ROBO1: variants seen among roughly 807,000 people sequenced by gnomAD.
ROBO1 encodes the protein roundabout guidance receptor 1.
A neutral mutation model predicts 195.9 loss-of-function variants in ROBO1; 149 were observed. That is an observed-to-expected ratio of 0.76 (90% CI 0.67 to 0.87). The LOEUF is 0.87. Ranked by LOEUF, ROBO1 falls within the 40% of genes least tolerant of loss-of-function variation. The probability of loss-of-function intolerance (pLI) is 0.00; values close to 1 mark genes in which losing one functional copy is unlikely to be tolerated. For synonymous variants in ROBO1, 816 were observed against 733.2 expected (o/e 1.11, Z -1.82); for missense variants, 1,933 against 2,068.3 (o/e 0.93, Z 1.27).
intron 2 of ROBO1, among the ~76,000 whole-genome samples, chr3:79,503,187 G>A (rs973948049): frequency 7.9e-5 from 12 of 152,074 alleles, no homozygotes; most frequent in Admixed American, 6.6e-4. Flanking sequence ...TGAAGCCAGC[G>A]AGACTACGAA....
At chr3:78,714,368 A>G in intron 8 of ROBO1, 29 bp downstream of exon 8, 1 of 1,600,522 alleles carries the variant, frequency 6.2e-7, no homozygotes, top group Non-Finnish European at 8.5e-7. Flanking sequence ...TGCTAAAACC[A>G]CCAAAACAAA....
At chr3:78,992,330 TA>T (rs1417421895) in intron 3 of ROBO1, among the ~76,000 whole-genome samples, 5 of 152,114 alleles carry the variant, frequency 3.3e-5, no homozygotes, top group Non-Finnish European at 7.4e-5. Flanking sequence ...GCAAAGGTAG[TA>T]TTTATCTGAA....
chr3:79,590,678 T>A (rs1943970599), intron 1 of ROBO1, among the ~76,000 whole-genome samples: 1 of 151,830 alleles, frequency 6.6e-6, no homozygotes, highest in South Asian at 2.1e-4. Flanking sequence ...TTTTGAGATA[T>A]GAGATAATAT....
intron 1 of ROBO1, among the ~76,000 whole-genome samples, chr3:79,756,305 A>G (rs1045171232): frequency 4.6e-5 from 7 of 152,080 alleles, no homozygotes; most frequent in African/African-American, 1.4e-4. Flanking sequence ...TAATCCCAGC[A>G]CTTTGGGAGG....
chr3:78,932,211 T>C (rs1262245437), intron 4 of ROBO1, among the ~76,000 whole-genome samples: 2 of 152,156 alleles, frequency 1.3e-5, no homozygotes, highest in African/African-American at 4.8e-5. Flanking sequence ...GATAACCAGA[T>C]GCACCTTCTC....
chr3:79,104,945 C>T (rs996729652), intron 3 of ROBO1, among the ~76,000 whole-genome samples: 4 of 151,586 alleles, frequency 2.6e-5, no homozygotes, highest in African/African-American at 9.7e-5. Flanking sequence ...CAATGGAAAA[C>T]GGCAGGTGTT....
At chr3:78,885,307 G>A (rs1414880490) in intron 4 of ROBO1, among the ~76,000 whole-genome samples, 1 of 149,354 alleles carries the variant, frequency 6.7e-6, no homozygotes, top group Non-Finnish European at 1.5e-5. Context: ...TAACTAATGG[G>A]TACTAGGCTT....
intron 2 of ROBO1, among the ~76,000 whole-genome samples, chr3:79,297,632 G>A (rs1486153975): frequency 6.6e-6 from 1 of 152,036 alleles, no homozygotes; most frequent in East Asian, 1.9e-4. Flanking sequence ...TAGCTCCCAT[G>A]GGAAGAAAGA....
intron 2 of ROBO1, among the ~76,000 whole-genome samples, chr3:79,201,115 A>G (rs141925354): frequency 1.3e-5 from 2 of 152,034 alleles, no homozygotes; most frequent in African/African-American, 2.4e-5. Flanking sequence ...TTAATAGCCT[A>G]TTCTGGACAT....
intron 2 of ROBO1, among the ~76,000 whole-genome samples, chr3:79,491,188 A>G (rs1289032094): frequency 1.3e-5 from 2 of 151,248 alleles, no homozygotes; most frequent in Non-Finnish European, 2.9e-5. Context: ...CTTGGGGGGA[A>G]AAATGGAAGG....
chr3:79,596,587 T>G (rs1037508421), intron 1 of ROBO1, among the ~76,000 whole-genome samples: 4 of 152,098 alleles, frequency 2.6e-5, no homozygotes, highest in Admixed American at 1.3e-4. Flanking sequence ...AATCTATTAA[T>G]GTATGATGTA....
chr3:78,763,973 C>T (rs2083167609), intron 4 of ROBO1, among the ~76,000 whole-genome samples: 1 of 152,122 alleles, frequency 6.6e-6, no homozygotes, highest in Admixed American at 6.6e-5. Context: ...GATTACGTGT[C>T]AAACGATTTT....
chr3:79,129,791 T>C (rs967214793), intron 2 of ROBO1, among the ~76,000 whole-genome samples: 2 of 152,076 alleles, frequency 1.3e-5, no homozygotes, highest in Non-Finnish European at 2.9e-5. Context: ...CTAGGTTTTC[T>C]TCTAGGGTTT....
intron 2 of ROBO1, among the ~76,000 whole-genome samples, chr3:79,519,350 G>T (rs1297922175): frequency 6.6e-6 from 1 of 152,068 alleles, no homozygotes; most frequent in Non-Finnish European, 1.5e-5. Context: ...AAGAAGTGTG[G>T]CCGGGCCTGG....
intron 2 of ROBO1, among the ~76,000 whole-genome samples, chr3:79,367,984 C>A (rs572551102): frequency 2.6e-5 from 4 of 152,120 alleles, no homozygotes; most frequent in Non-Finnish European, 4.4e-5. Context: ...CTCTGTCACC[C>A]AGGCAGGAAT....
At chr3:78,988,951 G>A (rs918913247) in intron 3 of ROBO1, among the ~76,000 whole-genome samples, 3 of 152,126 alleles carry the variant, frequency 2.0e-5, no homozygotes, top group Admixed American at 2.0e-4. Context: ...TCGAAAGTAA[G>A]ATATCAGTTG....
intron 2 of ROBO1, among the ~76,000 whole-genome samples, chr3:79,536,701 T>A (rs187334735): frequency 7.1e-4 from 108 of 152,314 alleles, no homozygotes; most frequent in Middle Eastern, 3.4e-3. Context: ...AATTTTTTTC[T>A]CAGTTGCTGC....
intron 3 of ROBO1, among the ~76,000 whole-genome samples, chr3:78,992,080 T>C (rs1373822944): frequency 2.0e-5 from 3 of 152,144 alleles, no homozygotes; most frequent in African/African-American, 7.2e-5. Context: ...ACAGTCCAGA[T>C]TATAATGTAA....
intron 11 of ROBO1, among the ~76,000 whole-genome samples, chr3:78,669,433 T>G (rs1707931098): frequency 2.0e-5 from 3 of 152,194 alleles, no homozygotes; most frequent in Admixed American, 2.0e-4. Context: ...AAATTCATGT[T>G]TATTGCTGTC....
Sources: allele counts gnomAD v4.1 joint callset (sites outside exome capture counted in the v4.1 genomes callset), GRCh38; gene constraint gnomAD v4.1.1; transcripts MANE v1.5; gene names NCBI Gene and HGNC (gene_info 2026-07-23, HGNC 2026-07-21).